Variants in HPCAL4 observed in about 807,000 individuals in gnomAD.
HPCAL4 encodes hippocalcin like 4.
A neutral mutation model predicts 18.2 loss-of-function variants in HPCAL4; 16 were observed. The ratio of observed to expected loss-of-function variants is 0.88; its 90% CI spans 0.59 to 1.33. HPCAL4 has a LOEUF of 1.33. Ranked by LOEUF, HPCAL4 falls within the 40% of genes most tolerant of loss-of-function variation. The probability of loss-of-function intolerance (pLI) is 0.00; values close to 1 mark genes in which losing one functional copy is unlikely to be tolerated. For missense variants in HPCAL4, 214 were observed against 256.6 expected (o/e 0.83, Z 1.14); for synonymous variants, 80 against 97.5 (o/e 0.82, Z 1.06).
chr1:39,684,402 C>T (rs776545446), intron 2 of HPCAL4, 40 bp downstream of exon 2: 10 of 1,556,714 alleles, frequency 6.4e-6, no homozygotes, highest in South Asian at 6.1e-5. Flanking sequence ...TCCCCCAACC[C>T]GGGTACTTGG....
At chr1:39,689,287 C>A (rs1646700612) in intron 1 of HPCAL4, among the ~76,000 whole-genome samples, 1 of 152,078 alleles carries the variant, frequency 6.6e-6, no homozygotes, top group South Asian at 2.1e-4. Context: ...TCCCACCCTG[C>A]CTTCTGTGCC....
intron 1 of HPCAL4, among the ~76,000 whole-genome samples, chr1:39,687,565 T>C (rs1570478360): frequency 6.6e-6 from 1 of 152,172 alleles, no homozygotes; most frequent in East Asian, 1.9e-4. Context: ...CCTTTTCTCC[T>C]CCCTGCTCTG....
intron 1 of HPCAL4, among the ~76,000 whole-genome samples, chr1:39,686,374 C>T (rs1646675569): frequency 1.3e-5 from 2 of 152,004 alleles, no homozygotes; most frequent in Admixed American, 1.3e-4. Flanking sequence ...AAGAATTTTT[C>T]CTTTGGCCAC....
At chr1:39,689,657 G>A (rs1160221734) in intron 1 of HPCAL4, among the ~76,000 whole-genome samples, 1 of 152,224 alleles carries the variant, frequency 6.6e-6, no homozygotes, top group Non-Finnish European at 1.5e-5. Context: ...AGCTGGGACT[G>A]TCCCATACAC....
chr1:39,683,969 T>C lies in HPCAL4; in HGVS notation c.346A>G (p.Ile116Val). 1 of 1,613,870 alleles carries C rather than the reference T, an allele frequency of 6.2e-7. No individual in the cohort carries two copies. The highest frequency in any genetic ancestry group is 8.5e-7 in the Non-Finnish European group (1 of 1,179,882). Reference sequence around the variant, plus strand: ...ATCTCCAGCATCTCCAGGCGCGTGATGCGCCCGTCGCCGTCCAGGTCGTAC... The same window carrying C: ...ATCTCCAGCATCTCCAGGCGCGTGACGCGCCCGTCGCCGTCCAGGTCGTAC... ...EMYDLDGDGR[I>V]TRLEMLEIIE... The change falls in exon 3 of 4, where the codon ATC becomes GTC. Residue 116 changes from isoleucine (I) to valine (V), a missense_variant. Transcript: ENST00000372844.
rs1646601184 is a variant in HPCAL4, at chr1:39,679,400, C to T, written c.*3136G>A. 1 of 152,180 alleles carries T rather than the reference C, an allele frequency of 6.6e-6. No homozygotes were observed. The highest frequency in any genetic ancestry group is 6.5e-5 in the Admixed American group (1 of 15,284). The allele number at this position is 152,180 out of a possible 1,614,324, so 9.4% of individuals were successfully genotyped here. ...AAGTGGCCATCTGAAGTAGCCTTTG[C>T]TGATAATTTTTAGAGATAAGAAATA... On this transcript the variant is annotated 3_prime_UTR_variant, in exon 4 of 4. Transcript: ENST00000372844.
rs1570471024 is a variant in HPCAL4 at position 39,681,661 on chromosome 1, C to A, written c.*875G>T. ...TTAATATTTTCTCTATTCATTTAAT[C>A]ATTTTATAAGAAACCAAGTAATATA... On this transcript the variant is annotated 3_prime_UTR_variant, in exon 4 of 4. Transcript: ENST00000372844. The A allele has an allele frequency of 6.6e-6, 1 of 152,156 alleles. No homozygotes were observed. The highest frequency in any genetic ancestry group is 1.5e-5 in the Non-Finnish European group (1 of 68,034). 9.4% of individuals were successfully genotyped at this position (152,156 alleles called of 1,614,324 possible).
chr1:39,690,585 G>A (rs746267073), intron 1 of HPCAL4, among the ~76,000 whole-genome samples: 3 of 152,162 alleles, frequency 2.0e-5, no homozygotes, highest in African/African-American at 7.2e-5. Context: ...CTGGACTGAC[G>A]GTATGGGTGG....
At chr1:39,689,457 A>G (rs2124201223) in intron 1 of HPCAL4, among the ~76,000 whole-genome samples, 1 of 152,124 alleles carries the variant, frequency 6.6e-6, no homozygotes, top group South Asian at 2.1e-4. Flanking sequence ...CTGCTATCAC[A>G]CCCACTTCAG....
At chr1:39,688,704 A>G (rs947079827) in intron 1 of HPCAL4, among the ~76,000 whole-genome samples, 2 of 151,988 alleles carry the variant, frequency 1.3e-5, no homozygotes, top group Admixed American at 1.3e-4. Flanking sequence ...CTCAGCTCTC[A>G]TTGCTCACTC....
intron 1 of HPCAL4, among the ~76,000 whole-genome samples, chr1:39,689,821 T>TG (rs1646704033): frequency 6.6e-6 from 1 of 151,970 alleles, no homozygotes; most frequent in African/African-American, 2.4e-5. Context: ...GGTACTGAGG[T>TG]GGTTGCCATG....
rs769374158 is a variant in HPCAL4, at chr1:39,682,696, C to G, written c.416G>C (p.Arg139Pro). Reference protein sequence around the residue: ...YKMVGTVIMMRMNQDGLTPQQ... With the variant: ...YKMVGTVIMMPMNQDGLTPQQ... The stretch of plus-strand genomic sequence containing the variant: ...GGGCGTGAGCCCGTCCTGGTTCATG[C>G]GCATCATGATCACGGTGCCCACCAT... Residue 139 changes from arginine (R) to proline (P), a missense_variant, in exon 4 of 4, where the codon CGC becomes CCC. Coordinates refer to ENST00000372844, the MANE Select transcript of HPCAL4 (RefSeq NM_016257.4). 6.2e-7 allele frequency: 1 copy of G among 1,614,124 alleles called. No homozygotes were observed. Among genetic ancestry groups the G allele is most frequent in the Non-Finnish European group, 8.5e-7 (1 of 1,180,018 alleles).
At chr1:39,687,997 T>G (rs909307957) in intron 1 of HPCAL4, among the ~76,000 whole-genome samples, 1 of 152,102 alleles carries the variant, frequency 6.6e-6, no homozygotes, top group Non-Finnish European at 1.5e-5. Flanking sequence ...AAATGGAAAT[T>G]GAGAGATAGG....
In HPCAL4 at chr1:39,682,370, T is replaced by C; in HGVS notation, c.*166A>G. 2 of 623,354 alleles carry C rather than the reference T, an allele frequency of 3.2e-6. No individual in the cohort carries two copies. Among genetic ancestry groups the C allele is most frequent in the South Asian group, 3.8e-5 (2 of 51,970 alleles). The allele number at this position is 623,354 out of a possible 1,614,324, so 38.6% of individuals were successfully genotyped here. A position where few individuals can be genotyped will look rare whatever the true frequency, so the allele number is the denominator to read the frequency against. Reference sequence around the variant, plus strand: ...CTGTCTCTTTTGCAGGGTGAGGTGGTCCCTCAAAGATCTTGATGGAGGGGA... The same window carrying C: ...CTGTCTCTTTTGCAGGGTGAGGTGGCCCCTCAAAGATCTTGATGGAGGGGA... On this transcript the variant is annotated 3_prime_UTR_variant, in exon 4 of 4. Transcript: ENST00000372844.
chr1:39,684,697 G>T, intron 1 of HPCAL4, 86 bp from the exon 2 acceptor site: 1 of 1,250,946 alleles, frequency 8.0e-7, no homozygotes, highest in Non-Finnish European at 1.1e-6. Context: ...CACACACAGG[G>T]CGGGGTTGCA....
In HPCAL4 at chr1:39,682,185, A is replaced by G. The variant is rs1646631925; in HGVS notation, c.*351T>C. On this transcript the variant is annotated 3_prime_UTR_variant, in exon 4 of 4. Coordinates refer to ENST00000372844, the MANE Select transcript of HPCAL4 (RefSeq NM_016257.4). ...TGACAGGCCTGTGGGACCACATCCTATAAAGCATAATCCCAGGATCAAGAG... is the reference window on the plus strand; with the variant it reads ...TGACAGGCCTGTGGGACCACATCCTGTAAAGCATAATCCCAGGATCAAGAG... The G allele has an allele frequency of 3.5e-6, 1 of 284,742 alleles. No homozygotes were observed. Among genetic ancestry groups the G allele is most frequent in the East Asian group, 8.5e-5 (1 of 11,778 alleles). The allele number at this position is 284,742 out of a possible 1,614,324, so 17.6% of individuals were successfully genotyped here. A position where few individuals can be genotyped will look rare whatever the true frequency, so the allele number is the denominator to read the frequency against.
In HPCAL4 at chr1:39,682,421, T is replaced by C; in HGVS notation, c.*115A>G. ...GGAAGGGCTTGGGCAGAGGACTGGG[T>C]GGGCCAGAGAGGGGGGCTGGAGTGT... On this transcript the variant is annotated 3_prime_UTR_variant, in exon 4 of 4. Coordinates refer to ENST00000372844, the MANE Select transcript of HPCAL4 (RefSeq NM_016257.4). 2 of 893,952 alleles carry C rather than the reference T, an allele frequency of 2.2e-6. No homozygotes were observed. Among genetic ancestry groups the C allele is most frequent in the Non-Finnish European group, 3.5e-6 (2 of 566,024 alleles). 55.4% of individuals were successfully genotyped at this position (893,952 alleles called of 1,614,324 possible).
intron 1 of HPCAL4, among the ~76,000 whole-genome samples, chr1:39,689,717 C>T (rs747779619): frequency 3.9e-5 from 6 of 152,186 alleles, no homozygotes; most frequent in African/African-American, 4.8e-5. Context: ...GGGCTAAGGG[C>T]TGTGGGCTTT....
Position 39,683,938 on chromosome 1 carries a change from T to A in HPCAL4, c.377A>T (p.Glu126Val). 1 of 1,612,950 alleles carries A rather than the reference T, an allele frequency of 6.2e-7. No homozygotes were observed. The highest frequency in any genetic ancestry group is 8.5e-7 in the Non-Finnish European group (1 of 1,179,538). Residue 126 changes from glutamate (E) to valine (V), a missense_variant and splice_region_variant, in exon 3 of 4, where the codon GAG (glutamate) becomes GTG (valine). By Grantham distance (121) the Glu-to-Val change is moderately radical (BLOSUM62 -2). Transcript: ENST00000372844. ...ITRLEMLEII[E>V]AIYKMVGTVI... is the part of the protein sequence containing the mutation. ...AGCAGCGCCCGCGCGGCCCCGCACC[T>A]CGATGATCTCCAGCATCTCCAGGCG... is the stretch of plus-strand genomic sequence containing the variant.
Sources: gnomAD v4.1 joint callset for allele counts (sites outside exome capture counted in the v4.1 genomes callset) on GRCh38, gnomAD v4.1.1 for gene constraint, MANE v1.5 for transcripts, NCBI Gene and HGNC (gene_info 2026-07-23, HGNC 2026-07-21) for gene names.